PUDP: variants seen among roughly 807,000 people sequenced by gnomAD.
PUDP encodes pseudouridine-5'-phosphatase.
In PUDP, 8 loss-of-function variants were observed where a neutral mutation model predicts 9.4. That is an observed-to-expected ratio of 0.85 (90% CI 0.50 to 1.53). The LOEUF (loss-of-function observed/expected upper bound fraction) is 1.53, where lower values mean the gene tolerates loss of function less well. Ranked by LOEUF, PUDP falls within the 40% of genes most tolerant of loss-of-function variation. The probability of loss-of-function intolerance (pLI) is 0.00; values close to 1 mark genes in which losing one functional copy is unlikely to be tolerated. For missense variants in PUDP, 188 were observed against 189.7 expected (o/e 0.99, Z 0.05); for synonymous variants, 99 against 80.7 (o/e 1.23, Z -1.22).
intron 1 of PUDP, among the ~76,000 whole-genome samples, chrX:7,122,098 G>T (rs1403003025): frequency 9.0e-6 from 1 of 111,016 alleles, no homozygotes; most frequent in Non-Finnish European, 1.9e-5. Context: ...TGAGGTAAGA[G>T]AATCGGTTGA....
chrX:7,046,983 T>C (rs1349671763), downstream of PUDP, among the ~76,000 whole-genome samples: 3 of 112,070 alleles, frequency 2.7e-5, no homozygotes, highest in Admixed American at 1.9e-4. Flanking sequence ...GAATATCCAA[T>C]GCTTTAATAC....
chrX:6,802,598 G>A (rs978348936), intron 3 of PUDP, among the ~76,000 whole-genome samples: 2 of 110,817 alleles, frequency 1.8e-5, no homozygotes, highest in Non-Finnish European at 3.8e-5. Flanking sequence ...AACTAGAGCT[G>A]GAGGGCTGGG....
chrX:6,749,467 T>C (rs1925039785), intron 3 of PUDP, among the ~76,000 whole-genome samples: 1 of 111,233 alleles, frequency 9.0e-6, no homozygotes, highest in Non-Finnish European at 1.9e-5. Flanking sequence ...GCTGCAATTG[T>C]CTGGATAGGA....
intron 3 of PUDP, among the ~76,000 whole-genome samples, chrX:6,780,245 A>G (rs1925538384): frequency 9.1e-6 from 1 of 109,668 alleles, no homozygotes; most frequent in African/African-American, 3.3e-5. Flanking sequence ...GTATGTGTAT[A>G]TACATATATA....
intron 3 of PUDP, among the ~76,000 whole-genome samples, chrX:6,927,456 C>G (rs1464621093): frequency 8.9e-6 from 1 of 112,147 alleles, no homozygotes; most frequent in East Asian, 2.8e-4. Context: ...ACACTTATAG[C>G]TGGGATCCTC....
chrX:7,000,420 A>T (rs963758596), intron 1 of PUDP, among the ~76,000 whole-genome samples: 3 of 111,123 alleles, frequency 2.7e-5, no homozygotes, highest in Non-Finnish European at 3.8e-5. Context: ...TCTCACAAAC[A>T]ATCCACAAAT....
chrX:7,105,500 T>C, intron 2 of PUDP, 120 bp downstream of exon 2: 1 of 494,462 alleles, frequency 2.0e-6, no homozygotes, highest in Non-Finnish European at 3.3e-6. Flanking sequence ...AGGGACTTAG[T>C]TTAGATACTG....
At chrX:7,074,980 C>T (rs1306602632) in intron 3 of PUDP, among the ~76,000 whole-genome samples, 1 of 112,023 alleles carries the variant, frequency 8.9e-6, no homozygotes, top group Admixed American at 9.4e-5. Flanking sequence ...TTTCAATCAG[C>T]CCAGGTATGT....
chrX:7,132,876 C>G (rs1932655392), intron 1 of PUDP, among the ~76,000 whole-genome samples: 1 of 111,913 alleles, frequency 8.9e-6, no homozygotes, highest in South Asian at 3.8e-4. Flanking sequence ...CCCACAGCCA[C>G]CACTGATCTC....
In PUDP at chrX:7,121,169, GA is replaced by G. The variant is rs1366256489; in HGVS notation, c.62-15332del. On this transcript the variant is annotated intron_variant, in intron 1 of 3. Transcript: ENST00000381077. Reference sequence around the variant, plus strand: ...TAAAAAGAAAAACTTATTAGGTTGGGAAAAAATGAACAGTTACAATGTTAAT... The same window carrying G: ...TAAAAAGAAAAACTTATTAGGTTGGGAAAAATGAACAGTTACAATGTTAAT... 6.3e-5 allele frequency among the ~76,000 whole-genome samples: 7 copies of G among 111,989 alleles called. No homozygotes were observed. In the South Asian group the frequency reaches 2.6e-3, roughly 42 times the overall value.
At chrX:7,135,133 T>C (rs1208686007) in intron 1 of PUDP, among the ~76,000 whole-genome samples, 1 of 111,499 alleles carries the variant, frequency 9.0e-6, no homozygotes, top group African/African-American at 3.3e-5. Context: ...TCCAGTTTCC[T>C]AAGACCTTGG....
chrX:7,135,645 AT>A (rs1932724932), intron 1 of PUDP, among the ~76,000 whole-genome samples: 1 of 112,367 alleles, frequency 8.9e-6, no homozygotes, highest in African/African-American at 3.2e-5. Flanking sequence ...CATGCTTTAC[AT>A]TCTTGTCTCT....
chrX:6,997,065 A>G (rs750481326), intron 1 of PUDP, among the ~76,000 whole-genome samples: 33 of 112,205 alleles, frequency 2.9e-4, no homozygotes, highest in African/African-American at 9.4e-4. Context: ...ACAAAATGCA[A>G]CAATTATTAG....
intron 1 of PUDP, among the ~76,000 whole-genome samples, chrX:6,709,659 T>C (rs746159884): frequency 8.9e-6 from 1 of 112,517 alleles, no homozygotes; most frequent in African/African-American, 3.2e-5. Flanking sequence ...TGAGTATTTC[T>C]GACTGATGTT....
chrX:6,851,349 C>A (rs1216525211), intron 3 of PUDP, among the ~76,000 whole-genome samples: 3 of 111,774 alleles, frequency 2.7e-5, no homozygotes, highest in Non-Finnish European at 5.6e-5. Flanking sequence ...TTCAGAATCT[C>A]ATTACCAAAG....
At chrX:6,933,662 C>T (rs1391576715) in intron 3 of PUDP, among the ~76,000 whole-genome samples, 2 of 111,929 alleles carry the variant, frequency 1.8e-5, no homozygotes, top group Non-Finnish European at 3.8e-5. Flanking sequence ...GAGAAGAAGG[C>T]TTCAGACAAT....
chrX:6,720,244 ATG>A (rs755475547), intron 1 of PUDP, among the ~76,000 whole-genome samples: 2,014 of 63,343 alleles, frequency 0.032, 38 homozygotes, highest in Non-Finnish European at 0.036. Flanking sequence ...GTATATATGT[ATG>A]TGTGTGTGTG....
intron 3 of PUDP, among the ~76,000 whole-genome samples, chrX:6,874,749 A>T (rs1658942734): frequency 1.8e-5 from 2 of 112,381 alleles, no homozygotes; most frequent in African/African-American, 6.5e-5. Flanking sequence ...TCTCCCTTGG[A>T]TTAAATAAAT....
intron 3 of PUDP, among the ~76,000 whole-genome samples, chrX:6,940,227 G>A (rs1928379678): frequency 8.8e-6 from 1 of 113,607 alleles, no homozygotes; most frequent in South Asian, 3.5e-4. Context: ...GCCTGTCTTT[G>A]CAAATAAAGT....
Sources: allele counts gnomAD v4.1 joint callset (sites outside exome capture counted in the v4.1 genomes callset), GRCh38; gene constraint gnomAD v4.1.1; transcripts MANE v1.5; gene names NCBI Gene and HGNC (gene_info 2026-07-23, HGNC 2026-07-21).